Variants in UBIAD1 observed in about 807,000 individuals in gnomAD.
The protein encoded by UBIAD1 is UbiA prenyltransferase domain containing 1.
UBIAD1 carries 12 observed loss-of-function variants against 20.1 expected under a neutral mutation model. The observed-to-expected ratio is 0.60, with a 90% CI of 0.38 to 0.97. UBIAD1 has a LOEUF of 0.97. UBIAD1 is among the 50% of genes least tolerant of loss of function. UBIAD1 has a pLI of 0.00. For synonymous variants in UBIAD1, 207 were observed against 189.2 expected, an observed-to-expected ratio of 1.09 and a Z score of -0.77; for missense variants, 333 against 419.5, an observed-to-expected ratio of 0.79 and a Z score of 1.80.
chr1:11,299,191 G>A (rs140547940), downstream of UBIAD1, among the ~76,000 whole-genome samples: 1,033 of 152,260 alleles, frequency 6.8e-3, 10 homozygotes, highest in African/African-American at 0.023. Flanking sequence ...TCTCAGTGGC[G>A]GGCATGACAG....
Position 11,294,294 on chromosome 1 carries a change from G to A in UBIAD1, c.530-579G>A, listed in dbSNP as rs558352017. Among the ~76,000 whole-genome samples, 22 of 151,984 alleles carry A rather than the reference G, an allele frequency of 1.4e-4. No individual in the cohort carries two copies. The South Asian group carries it at 4.6e-3, about 32-fold the overall frequency. On this transcript the variant is annotated intron_variant, in intron 1 of 1. Transcript: ENST00000376804. ...GATTCAAATCTTGCTCTAATTCAGTGCAAGTTCTTTTATTATTATTATTTT... is the reference window on the plus strand; with the variant it reads ...GATTCAAATCTTGCTCTAATTCAGTACAAGTTCTTTTATTATTATTATTTT...
At chr1:11,275,952 T>C (rs1652008647) in intron 1 of UBIAD1, among the ~76,000 whole-genome samples, 1 of 151,824 alleles carries the variant, frequency 6.6e-6, no homozygotes, top group Non-Finnish European at 1.5e-5. Context: ...GTAAGAGAAG[T>C]ACGTTTGGGG....
chr1:11,278,652 T>C, intron 1 of UBIAD1: 1 of 1,486,734 alleles, frequency 6.7e-7, no homozygotes, highest in Non-Finnish European at 9.0e-7. Context: ...TGTGGAAGCT[T>C]CATATTTTCT....
At chr1:11,292,665 G>A (rs1332879018), downstream of UBIAD1, among the ~76,000 whole-genome samples, 1 of 130,676 alleles carries the variant, frequency 7.7e-6, no homozygotes, top group African/African-American at 2.9e-5. Context: ...AAGATTTTAT[G>A]TATACACACA....
At position 11,285,647 on chromosome 1, in the gene UBIAD1, T is replaced by C; in HGVS notation, c.533T>C (p.Ile178Thr). 1.2e-6 allele frequency: 2 copies of C among 1,614,196 alleles called. No individual in the cohort carries two copies. The highest frequency in any genetic ancestry group is 1.7e-6 in the Non-Finnish European group (2 of 1,180,048). The part of the protein sequence containing the change: ...LSGSFLYTGG[I>T]GFKYVALGDL... ...TCTCTGGATTTTCTGGCCGCAGGAA[T>C]TGGATTCAAGTACGTGGCTCTGGGA... The change falls in exon 2 of 2, where the codon ATT becomes ACT. Residue 178 changes from isoleucine (I) to threonine (T), a missense_variant. Around this residue, in one of 3 missense-constraint regions of UBIAD1, gnomAD observed 226 missense variants for 263.5 expected, o/e 0.86. Transcript: ENST00000376810. The surrounding 1 kb of genome is among the most constrained non-coding windows in gnomAD (Gnocchi z 4.4).
downstream of UBIAD1, among the ~76,000 whole-genome samples, chr1:11,290,141 C>T (rs1434100777): frequency 1.3e-5 from 2 of 152,308 alleles, no homozygotes; most frequent in African/African-American, 4.8e-5. Context: ...GCTGAGATTA[C>T]AGGCGTGAGC....
chr1:11,276,875 A>G (rs1261173874), intron 1 of UBIAD1, among the ~76,000 whole-genome samples: 1 of 152,172 alleles, frequency 6.6e-6, no homozygotes, highest in African/African-American at 2.4e-5. Context: ...ATTATAAGAT[A>G]GGTATCAAAA....
rs535149387 is a variant in UBIAD1 at position 11,278,711 on chromosome 1, T to C, written c.529+4651T>C. On this transcript the variant is annotated intron_variant, in intron 1 of 1. Transcript: ENST00000376810. The stretch of plus-strand genomic sequence containing the variant: ...CTCCTGAAGTACAACTTTAATGCTA[T>C]ATGAATTTTGTCATTTTGCTAACAC... 8.1e-5 allele frequency: 89 copies of C among 1,101,228 alleles called. 1 individual carries two copies. The South Asian group carries it at 1.5e-3, about 19-fold the overall frequency. 68.2% of individuals were successfully genotyped at this position (1,101,228 alleles called of 1,614,324 possible).
chr1:11,274,720 C>T (rs1295253686), intron 1 of UBIAD1, among the ~76,000 whole-genome samples: 1 of 152,136 alleles, frequency 6.6e-6, no homozygotes, highest in African/African-American at 2.4e-5. Context: ...AGCGATTCTT[C>T]TGCCTCAGCT....
chr1:11,295,246 G>A (rs1557524362), downstream of UBIAD1: 3 of 335,420 alleles, frequency 8.9e-6, no homozygotes, highest in Non-Finnish European at 1.7e-5. Context: ...TTTCTAGGAA[G>A]AGGTGGCCAT....
At chr1:11,299,193 G>T (rs1216929478), downstream of UBIAD1, among the ~76,000 whole-genome samples, 1 of 152,210 alleles carries the variant, frequency 6.6e-6, no homozygotes, top group Non-Finnish European at 1.5e-5. Flanking sequence ...TCAGTGGCGG[G>T]CATGACAGCA....
At chr1:11,290,057 G>A (rs548252429), downstream of UBIAD1, among the ~76,000 whole-genome samples, 75 of 152,164 alleles carry the variant, frequency 4.9e-4, no homozygotes, top group African/African-American at 1.7e-3. Flanking sequence ...GTAGAGACGG[G>A]GTTTTACCAT....
In UBIAD1 at chr1:11,273,396, C is replaced by G; in HGVS notation, c.-136C>G. The G allele has an allele frequency of 8.8e-7, 1 of 1,137,082 alleles. No homozygotes were observed. Among genetic ancestry groups the G allele is most frequent in the South Asian group, 1.4e-5 (1 of 74,068 alleles). 70.4% of individuals were successfully genotyped at this position (1,137,082 alleles called of 1,614,324 possible). ...CACTTGCTGTTGCCCCCGGACCTTG[C>G]CGCCACACCAGCCCTGTCCTGGGGC... On this transcript the variant is annotated 5_prime_UTR_variant, in exon 1 of 2. Transcript: ENST00000376810. This position sits in a 1 kb window ranked among gnomAD's most constrained non-coding sequence, Gnocchi z 4.9.
chr1:11,274,810 AT>A (rs1651946489), intron 1 of UBIAD1, among the ~76,000 whole-genome samples: 1 of 151,958 alleles, frequency 6.6e-6, no homozygotes, highest in Non-Finnish European at 1.5e-5. Context: ...AGGTTTCACC[AT>A]GTTGGCCAGG....
chr1:11,277,886 T>C (rs1199850656), intron 1 of UBIAD1, among the ~76,000 whole-genome samples: 3 of 151,964 alleles, frequency 2.0e-5, no homozygotes, highest in Non-Finnish European at 4.4e-5. Context: ...TCAGGTGATC[T>C]GCCCACCTTG....
rs190498341 is a variant in UBIAD1 at position 11,274,734 on chromosome 1, C to T, written c.529+674C>T. Among the ~76,000 whole-genome samples the T allele has an allele frequency of 1.1e-3, 163 of 152,118 alleles. 4 individuals carry two copies. The East Asian group carries it at 0.023, about 21-fold the overall frequency. The stretch of plus-strand genomic sequence containing the variant: ...AAGCGATTCTTCTGCCTCAGCTCCC[C>T]GAGTAGCTGGGACTACAGGCATGTG... On this transcript the variant is annotated intron_variant, in intron 1 of 1. Coordinates refer to ENST00000376810, the MANE Select transcript of UBIAD1 (RefSeq NM_013319.3).
At position 11,294,836 on chromosome 1, in the gene UBIAD1, C is replaced by T. The variant is rs2744814; in HGVS notation, c.530-37C>T. 2.6e-3 allele frequency: 1,890 copies of T among 717,482 alleles called. 32 individuals carry two copies. In the African/African-American group the frequency reaches 0.028, roughly 11 times the overall value. 44.4% of individuals were successfully genotyped at this position (717,482 alleles called of 1,614,324 possible). ...CAGGTTAAATTTATGCTCCTGTCCC[C>T]TCATCTGTCTGTCCTCATTCGTCTC... On this transcript the variant is annotated intron_variant, in intron 1 of 1. Transcript: ENST00000376804.
chr1:11,279,602 G>A (rs1184803893), intron 1 of UBIAD1, among the ~76,000 whole-genome samples: 1 of 152,138 alleles, frequency 6.6e-6, no homozygotes, highest in Admixed American at 6.6e-5. Context: ...TTTTAGCAGA[G>A]ACGGTGTTTC....
At chr1:11,294,863 T>C in intron 1 of UBIAD1, 1 of 717,452 alleles carries the variant, frequency 1.4e-6, no homozygotes, top group Non-Finnish European at 2.6e-6. Context: ...ATTCGTCTCG[T>C]CTCTTCCAGT....
Sources: allele counts gnomAD v4.1 joint callset (sites outside exome capture counted in the v4.1 genomes callset), GRCh38; gene constraint gnomAD v4.1.1; regional missense constraint gnomAD v4.1.1; non-coding constraint Gnocchi (gnomAD v3.1); transcripts MANE v1.5; gene names NCBI Gene and HGNC (gene_info 2026-07-23, HGNC 2026-07-21).